The following CBLB variants were observed in gnomAD, a reference collection of about 807,000 sequenced individuals.
CBLB encodes the protein E3 ubiquitin-protein ligase CBL-B.
Under a neutral mutation model 104.9 loss-of-function variants are expected in CBLB, and 31 were observed. The ratio of observed to expected loss-of-function variants is 0.30; its 90% CI spans 0.22 to 0.40. The LOEUF (loss-of-function observed/expected upper bound fraction) is 0.40. Among genes scored for constraint, CBLB ranks in the 10% least tolerant of loss-of-function variants. The pLI, the probability that CBLB is intolerant of heterozygous loss-of-function variation, is 1.00. For missense variants in CBLB, 1,062 were observed against 1,214.6 expected, an observed-to-expected ratio of 0.87 and a Z score of 1.87; for synonymous variants, 440 against 422.6, an observed-to-expected ratio of 1.04 and a Z score of -0.51.
intron 3 of CBLB, among the ~76,000 whole-genome samples, chr3:105,838,064 CT>C (rs1404208162): frequency 2.1e-5 from 3 of 140,568 alleles, no homozygotes; most frequent in South Asian, 2.3e-4. Context: ...AGCCTATTAC[CT>C]TTTTTTTTCC....
intron 7 of CBLB, among the ~76,000 whole-genome samples, chr3:105,739,923 T>A (rs1030742218): frequency 1.3e-5 from 2 of 152,046 alleles, no homozygotes; most frequent in African/African-American, 2.4e-5. Flanking sequence ...GCTAACACGG[T>A]GAAACCCCGT....
intron 3 of CBLB, among the ~76,000 whole-genome samples, chr3:105,780,864 G>A (rs564798133): frequency 1.1e-4 from 16 of 151,920 alleles, no homozygotes; most frequent in South Asian, 4.2e-4. Flanking sequence ...GGGTTTCACC[G>A]TGTTAGCCAG....
chr3:105,863,838 G>C lies in CBLB; in HGVS notation c.168+3572C>G, dbSNP rs2092270546. Among the ~76,000 whole-genome samples the C allele has an allele frequency of 3.9e-5, 6 of 152,280 alleles. No homozygotes were observed. The South Asian group carries it at 1.2e-3, about 32-fold the overall frequency. ...AACAAAAATTTGAGGCAGGTACTCA[G>C]AGTGCTTTGCTCTTCAGCATCAATT... On this transcript the variant is annotated intron_variant, in intron 2 of 18. Coordinates refer to ENST00000394030, the MANE Select transcript of CBLB (RefSeq NM_170662.5).
Position 105,831,287 on chromosome 3 carries a change from C to G in CBLB, c.419+22127G>C, listed in dbSNP as rs115894882. Among the ~76,000 whole-genome samples, 195 of 152,330 alleles carry G rather than the reference C, an allele frequency of 1.3e-3. 2 individuals carry two copies. Among genetic ancestry groups the G allele is most frequent in the African/African-American group, 4.4e-3 (184 of 41,590 alleles). On this transcript the variant is annotated intron_variant, in intron 3 of 18. Transcript: ENST00000394030. ...TACTCCCATTCCTTTAAAATATCTT[C>G]CATGACATCTTTTCCTGCCTGTATC...
intron 3 of CBLB, among the ~76,000 whole-genome samples, chr3:105,817,728 G>A (rs1469776860): frequency 1.3e-5 from 2 of 152,116 alleles, no homozygotes; most frequent in African/African-American, 4.8e-5. Context: ...AGACAGTTGT[G>A]TATGCCACTA....
intron 3 of CBLB, among the ~76,000 whole-genome samples, chr3:105,840,326 A>G (rs2089352110): frequency 6.6e-6 from 1 of 152,188 alleles, no homozygotes; most frequent in Non-Finnish European, 1.5e-5. Context: ...AAAAAGGTAT[A>G]CTTGAAAAAT....
intron 4 of CBLB, among the ~76,000 whole-genome samples, chr3:105,758,806 C>T (rs1160902032): frequency 2.0e-5 from 3 of 152,220 alleles, no homozygotes; most frequent in Non-Finnish European, 4.4e-5. Context: ...AGGAGGGGAA[C>T]CAGTGGCACC....
chr3:105,805,404 AAGC>A (rs2083376869), intron 3 of CBLB, among the ~76,000 whole-genome samples: 1 of 151,296 alleles, frequency 6.6e-6, no homozygotes, highest in Non-Finnish European at 1.5e-5. Context: ...TTCCAGGTTC[AAGC>A]GATTCCTGTG....
intron 2 of CBLB, among the ~76,000 whole-genome samples, chr3:105,860,606 C>T (rs2092008842): frequency 6.6e-6 from 1 of 152,202 alleles, no homozygotes; most frequent in African/African-American, 2.4e-5. Context: ...AAGTGCTATG[C>T]ACTGTGTCCA....
At chr3:105,700,053 C>T (rs962872233) in intron 12 of CBLB, among the ~76,000 whole-genome samples, 1 of 152,022 alleles carries the variant, frequency 6.6e-6, no homozygotes, top group Non-Finnish European at 1.5e-5. Flanking sequence ...CTCTATTATA[C>T]TAATCTGTTT....
At chr3:105,849,617 A>G (rs1302068196) in intron 3 of CBLB, among the ~76,000 whole-genome samples, 1 of 152,114 alleles carries the variant, frequency 6.6e-6, no homozygotes, top group Admixed American at 6.6e-5. Flanking sequence ...ACATCTACTG[A>G]GTTAGAAAAT....
chr3:105,753,105 G>A (rs954886212), intron 4 of CBLB, among the ~76,000 whole-genome samples: 1 of 152,192 alleles, frequency 6.6e-6, no homozygotes, highest in African/African-American at 2.4e-5. Flanking sequence ...AGCAAGGGCT[G>A]GAGGGATTCC....
intron 9 of CBLB, 100 bp from the exon 10 acceptor site, chr3:105,720,350 A>ATTTT: frequency 8.6e-7 from 1 of 1,162,058 alleles, no homozygotes; most frequent in Non-Finnish European, 1.2e-6. Context: ...ACCCCCAAAA[A>ATTTT]GACTTTTTGG....
chr3:105,750,266 G>A (rs1310176384), intron 5 of CBLB, among the ~76,000 whole-genome samples: 1 of 151,974 alleles, frequency 6.6e-6, no homozygotes, highest in African/African-American at 2.4e-5. Flanking sequence ...CTAATAATGG[G>A]TTCCTTCATA....
intron 9 of CBLB, among the ~76,000 whole-genome samples, chr3:105,725,161 C>T (rs1488864734): frequency 6.6e-6 from 1 of 152,130 alleles, no homozygotes; most frequent in Admixed American, 6.5e-5. Context: ...TCTGTTCGCT[C>T]TAATTGAAAA....
intron 3 of CBLB, among the ~76,000 whole-genome samples, chr3:105,826,715 C>T (rs1259152774): frequency 2.0e-5 from 3 of 152,076 alleles, no homozygotes; most frequent in East Asian, 1.9e-4. Context: ...GCAGAAAAGG[C>T]TTCTGAACAT....
chr3:105,748,223 G>A (rs74795968), intron 5 of CBLB, among the ~76,000 whole-genome samples: 2,210 of 152,066 alleles, frequency 0.015, 57 homozygotes, highest in African/African-American at 0.05. Flanking sequence ...AGTGAATAAA[G>A]GAGACAAGTC....
At chr3:105,732,207 A>C (rs182775576) in intron 9 of CBLB, among the ~76,000 whole-genome samples, 138 of 151,234 alleles carry the variant, frequency 9.1e-4, no homozygotes, top group African/African-American at 3.1e-3. Context: ...CTGAGTCAAT[A>C]TCTCTATAAT....
chr3:105,776,405 A>G lies in CBLB; in HGVS notation c.557T>C (p.Phe186Ser). 1 of 1,613,616 alleles carries G rather than the reference A, an allele frequency of 6.2e-7. No individual in the cohort carries two copies. Among genetic ancestry groups the G allele is most frequent in the Non-Finnish European group, 8.5e-7 (1 of 1,179,850 alleles). The part of the protein sequence containing the change: ...ADAAEFWRKF[F>S]GDKTIVPWKV... ...AATGATTTTTACTTACTTGTCTCCA[A>G]AAAACTTTCTCCAGAATTCAGCAGC... The change falls in exon 4 of 19, where the codon TTT (phenylalanine) becomes TCT (serine). Residue 186 changes from phenylalanine (F) to serine (S), a missense_variant. This residue lies in a region of CBLB where 457 missense variants were observed against 632.0 expected (regional missense o/e 0.72). Coordinates refer to ENST00000394030, the MANE Select transcript of CBLB (RefSeq NM_170662.5).
Sources: allele counts gnomAD v4.1 joint callset (sites outside exome capture counted in the v4.1 genomes callset), GRCh38; gene constraint gnomAD v4.1.1; regional missense constraint gnomAD v4.1.1; transcripts MANE v1.5; gene names NCBI Gene and HGNC (gene_info 2026-07-23, HGNC 2026-07-21).